The following WDFY1 variants were observed in gnomAD, a reference collection of about 807,000 sequenced individuals.
WDFY1 encodes WD repeat and FYVE domain-containing protein 1.
A neutral mutation model predicts 56.4 loss-of-function variants in WDFY1; 32 were observed. The ratio of observed to expected loss-of-function variants is 0.57; its 90% confidence interval spans 0.43 to 0.76. WDFY1 has a LOEUF of 0.76. WDFY1 is among the 30% of genes least tolerant of loss of function. WDFY1 has a pLI of 0.00. For synonymous variants in WDFY1, 192 were observed against 197.3 expected (o/e 0.97, Z 0.23); for missense variants, 480 against 545.7 (o/e 0.88, Z 1.20).
At chr2:223,883,618 C>CTA (rs1559161950) in intron 9 of WDFY1, among the ~76,000 whole-genome samples, 1 of 151,878 alleles carries the variant, frequency 6.6e-6, no homozygotes, top group African/African-American at 2.4e-5. Flanking sequence ...TGGAGTATCT[C>CTA]TGAGTAAAAT....
chr2:223,931,074 T>G (rs2106100416), intron 1 of WDFY1, among the ~76,000 whole-genome samples: 1 of 152,298 alleles, frequency 6.6e-6, no homozygotes, highest in Middle Eastern at 3.4e-3. Context: ...ATAATATACC[T>G]TTAAGAACCA....
intron 1 of WDFY1, among the ~76,000 whole-genome samples, chr2:223,937,745 C>T (rs1440373715): frequency 6.6e-6 from 1 of 152,162 alleles, no homozygotes. Context: ...GGGTGGCCAC[C>T]CAGGCTTCCT....
chr2:223,937,301 T>C (rs1243472368), intron 1 of WDFY1, among the ~76,000 whole-genome samples: 1 of 152,204 alleles, frequency 6.6e-6, no homozygotes, highest in South Asian at 2.1e-4. Context: ...AGTAGAAACA[T>C]ATTACTCTTT....
intron 1 of WDFY1, among the ~76,000 whole-genome samples, chr2:223,939,290 T>C (rs1293971011): frequency 4.6e-5 from 7 of 152,150 alleles, no homozygotes; most frequent in African/African-American, 1.7e-4. Context: ...GGAACCAGTG[T>C]TCTAGAGAGG....
chr2:223,924,442 T>C (rs988654047), intron 1 of WDFY1, among the ~76,000 whole-genome samples: 5 of 152,196 alleles, frequency 3.3e-5, no homozygotes, highest in African/African-American at 1.2e-4. Flanking sequence ...CAGCTCACTG[T>C]AACCTCTGCC....
At chr2:223,942,243 G>A (rs1231092653) in intron 1 of WDFY1, among the ~76,000 whole-genome samples, 2 of 149,728 alleles carry the variant, frequency 1.3e-5, no homozygotes, top group Admixed American at 6.6e-5. Context: ...TTTTTGATAC[G>A]GAGTCTGGCT....
chr2:223,914,848 G>C (rs1298571671), intron 2 of WDFY1, among the ~76,000 whole-genome samples: 1 of 152,144 alleles, frequency 6.6e-6, no homozygotes, highest in East Asian at 1.9e-4. Flanking sequence ...TTTTTCTTCA[G>C]CTAAAGCAGA....
intron 1 of WDFY1, among the ~76,000 whole-genome samples, chr2:223,935,781 C>T (rs1165705375): frequency 2.6e-5 from 4 of 152,100 alleles, no homozygotes; most frequent in African/African-American, 9.7e-5. Flanking sequence ...TTGAAGGAAG[C>T]TCAGAAAGGA....
intron 4 of WDFY1, among the ~76,000 whole-genome samples, chr2:223,905,325 T>A (rs1693578372): frequency 6.6e-6 from 1 of 152,144 alleles, no homozygotes; most frequent in Non-Finnish European, 1.5e-5. Flanking sequence ...AAAAAATTCC[T>A]CACTGAGCAC....
Position 223,917,996 on chromosome 2 carries a change from C to T in WDFY1, c.152G>A (p.Trp51Ter), listed in dbSNP as rs1693817752. ...GTATTGACCACTGTCTCTTTTCAGC[C>T]ATACCCGGATGGTTCTGTGGAGAAA... Reference protein sequence around the residue: ...TASEDRTIRVWLKRDSGQYWP... With the variant: ...TASEDRTIRV Residue 51 changes from tryptophan (W) to a stop codon, truncating the protein, a stop_gained, in exon 2 of 12, where the codon TGG (tryptophan) becomes TAG (stop). Transcript: ENST00000233055. LOFTEE classifies it high-confidence loss of function. 2 of 1,613,952 alleles carry T rather than the reference C, an allele frequency of 1.2e-6. No homozygotes were observed. Among genetic ancestry groups the T allele is most frequent in the South Asian group, 2.2e-5 (2 of 91,074 alleles).
At position 223,876,257 on chromosome 2, in the gene WDFY1, A is replaced by G. The variant is rs183973894; in HGVS notation, c.*2414T>C. The stretch of plus-strand genomic sequence containing the variant: ...TAGCCTGCATATTCAGGAATGGAAC[A>G]ACCAGTAAACTGTTACTTGAAGAAC... On this transcript the variant is annotated 3_prime_UTR_variant, in exon 12 of 12. Transcript: ENST00000233055. 217 of 152,724 alleles carry G rather than the reference A, an allele frequency of 1.4e-3. 2 individuals carry two copies. Among genetic ancestry groups the G allele is most frequent in the Middle Eastern group, 6.8e-3 (2 of 294 alleles). 9.5% of individuals were successfully genotyped at this position (152,724 alleles called of 1,614,324 possible).
Position 223,882,022 on chromosome 2 carries a change from C to T in WDFY1, c.984G>A (p.Lys328=), listed in dbSNP as rs1344935288. ...GQAVCGKCSS[K]RSSYPVMGFE... ...AGCCCATGACTGGGTAACTTGAGCG[C>T]TTGCTGCTGCACTTCCCGCAGACAG... Residue 328 remains lysine (K), a synonymous_variant, in exon 10 of 12, where the codon AAG becomes AAA. Coordinates refer to ENST00000233055, the MANE Select transcript of WDFY1 (RefSeq NM_020830.5). 3 of 1,614,146 alleles carry T rather than the reference C, an allele frequency of 1.9e-6. No homozygotes were observed. Among genetic ancestry groups the T allele is most frequent in the Admixed American group, 1.7e-5 (1 of 60,032 alleles).
In WDFY1 at chr2:223,882,082, T is replaced by G; in HGVS notation, c.934-10A>C. 1 of 1,611,368 alleles carries G rather than the reference T, an allele frequency of 6.2e-7. No homozygotes were observed. The highest frequency in any genetic ancestry group is 2.2e-5 in the East Asian group (1 of 44,776). ...ATTTCCTGCAGTGATGCTTCACAGG[T>G]GACCGGGAGGAGGAAAACAGGGTGT... On this transcript the variant is annotated splice_polypyrimidine_tract_variant and intron_variant, in intron 9 of 11. Coordinates refer to ENST00000233055, the MANE Select transcript of WDFY1 (RefSeq NM_020830.5).
intron 8 of WDFY1, among the ~76,000 whole-genome samples, chr2:223,892,424 C>CA (rs748040718): frequency 6.6e-6 from 1 of 151,964 alleles, no homozygotes; most frequent in African/African-American, 2.4e-5. Flanking sequence ...ACAAAGTTAC[C>CA]AAAAAATCTC....
At chr2:223,891,906 G>C (rs768332916) in intron 8 of WDFY1, among the ~76,000 whole-genome samples, 1 of 152,176 alleles carries the variant, frequency 6.6e-6, no homozygotes, top group Non-Finnish European at 1.5e-5. Flanking sequence ...ATAACTAGTA[G>C]CTGATAAACG....
rs116225370 is a variant in WDFY1 at position 223,884,626 on chromosome 2, T to C, written c.933+22A>G. 1.9e-3 allele frequency: 3,014 copies of C among 1,608,866 alleles called. 52 individuals carry two copies. In the African/African-American group the frequency reaches 0.032, roughly 17 times the overall value. ...GTGAAATACACAATCAAGCCAGAGA[T>C]GACTCGACAGTGGCTACTCACTTGT... On this transcript the variant is annotated intron_variant, in intron 9 of 11. Transcript: ENST00000233055.
At chr2:223,931,835 A>C (rs192344756) in intron 1 of WDFY1, among the ~76,000 whole-genome samples, 66 of 151,870 alleles carry the variant, frequency 4.3e-4, no homozygotes, top group Middle Eastern at 6.8e-3. Context: ...ACAGGCATGC[A>C]CTACCACACC....
intron 9 of WDFY1, among the ~76,000 whole-genome samples, chr2:223,883,928 G>A (rs1253558887): frequency 6.6e-6 from 1 of 152,136 alleles, no homozygotes; most frequent in Admixed American, 6.5e-5. Context: ...TTACAGGCCT[G>A]AGCCACCATG....
chr2:223,916,285 A>G (rs1050857639), intron 2 of WDFY1, among the ~76,000 whole-genome samples: 2 of 152,222 alleles, frequency 1.3e-5, no homozygotes, highest in African/African-American at 2.4e-5. Context: ...GGTATAAAGG[A>G]GAAAGTGCTA....
Sources: gnomAD v4.1 joint callset for allele counts (sites outside exome capture counted in the v4.1 genomes callset) on GRCh38, gnomAD v4.1.1 for gene constraint, MANE v1.5 for transcripts, NCBI Gene and HGNC (gene_info 2026-07-23, HGNC 2026-07-21) for gene names.